Variants in SSRP1 observed in about 807,000 individuals in gnomAD.
The protein encoded by SSRP1 is structure specific recognition protein 1.
SSRP1 carries 21 observed loss-of-function variants against 84.4 expected under a neutral mutation model. The ratio of observed to expected loss-of-function variants is 0.25; its 90% CI spans 0.18 to 0.36. The LOEUF is 0.36. Ranked by LOEUF, SSRP1 falls within the 10% of genes least tolerant of loss-of-function variation. SSRP1 has a pLI of 1.00. For missense variants in SSRP1, 519 were observed against 900.8 expected (o/e 0.58, Z 5.43); for synonymous variants, 319 against 318.3 (o/e 1.00, Z -0.02).
chr11:57,330,891 C>T lies in SSRP1; in HGVS notation c.1260G>A (p.Ala420=), dbSNP rs1010600728. 2.5e-6 allele frequency: 4 copies of T among 1,614,094 alleles called. No individual in the cohort carries two copies. The highest frequency in any genetic ancestry group is 1.3e-5 in the African/African-American group (1 of 74,928). The part of the protein sequence containing the change: ...EYGKLFDFVN[A]KKLNIKNRGL... ...CTCGGTTTTTGATGTTGAGCTTTTT[C>T]GCGTTGACAAAATCAAACAGTTTCC... Residue 420 remains alanine (A), a synonymous_variant, in exon 10 of 17, where the codon GCG becomes GCA. Transcript: ENST00000278412. The surrounding 1 kb of genome is among the most constrained non-coding windows in gnomAD (Gnocchi z 4.0).
At chr11:57,334,787 G>A in intron 2 of SSRP1, 139 bp from the exon 3 acceptor site, 1 of 1,053,848 alleles carries the variant, frequency 9.5e-7, no homozygotes, top group Non-Finnish European at 1.4e-6. Flanking sequence ...GGGTGCCAAG[G>A]AGTCTAGATT....
Position 57,327,835 on chromosome 11 carries a change from T to G in SSRP1, c.1659A>C (p.Ala553=). Residue 553 remains alanine, a synonymous_variant, in exon 14 of 17, where the codon GCA becomes GCC. Coordinates refer to ENST00000278412, the MANE Select transcript of SSRP1 (RefSeq NM_003146.3). The stretch of plus-strand genomic sequence containing the variant: ...GGCTGGCATTGAGCCACAGCATGTA[T>G]GCAGACATGGGCCTCTTGGGGGCAT... ...DPNAPKRPMS[A]YMLWLNASRE... is the part of the protein sequence containing the mutation. The G allele has an allele frequency of 1.2e-6, 2 of 1,614,192 alleles. No individual in the cohort carries two copies. Among genetic ancestry groups the G allele is most frequent in the East Asian group, 2.2e-5 (1 of 44,888 alleles).
At chr11:57,333,187 C>T in intron 4 of SSRP1, 38 bp from the exon 5 acceptor site, 5 of 1,572,040 alleles carry the variant, frequency 3.2e-6, no homozygotes, top group South Asian at 1.2e-5. Context: ...AAGCTCCTCC[C>T]CTTAAGTCTG....
At chr11:57,326,650 A>C in intron 16 of SSRP1, 53 bp downstream of exon 16, 1 of 1,593,776 alleles carries the variant, frequency 6.3e-7, no homozygotes, top group Admixed American at 1.7e-5. Flanking sequence ...CCCCACACAG[A>C]CACACATGCC....
In SSRP1 at chr11:57,330,764, A is replaced by G; in HGVS notation, c.1296+91T>C. On this transcript the variant is annotated intron_variant, in intron 10 of 16. Coordinates refer to ENST00000278412, the MANE Select transcript of SSRP1 (RefSeq NM_003146.3). This position sits in a 1 kb window ranked among gnomAD's most constrained non-coding sequence, Gnocchi z 4.0. ...TTTCTATAAGGGTAAGAAGAGAAGA[A>G]AGAGTGAAAAAGAAGCCGGAAAAAA... 1 of 1,600,776 alleles carries G rather than the reference A, an allele frequency of 6.2e-7. No homozygotes were observed. Among genetic ancestry groups the G allele is most frequent in the Non-Finnish European group, 8.5e-7 (1 of 1,172,584 alleles).
chr11:57,333,394 C>T (rs2134392107), intron 4 of SSRP1, 41 bp downstream of exon 4: 1 of 1,537,824 alleles, frequency 6.5e-7, no homozygotes, highest in East Asian at 2.2e-5. Flanking sequence ...AACCCTTCAC[C>T]CTATCTTCCT....
intron 2 of SSRP1, 141 bp from the exon 3 acceptor site, chr11:57,334,789 G>T: frequency 9.6e-7 from 1 of 1,036,538 alleles, no homozygotes; most frequent in Non-Finnish European, 1.4e-6. Context: ...GTGCCAAGGA[G>T]TCTAGATTCT....
At position 57,328,315 on chromosome 11, in the gene SSRP1, G is replaced by T; in HGVS notation, c.1593C>A (p.Ser531Arg). ...KKAKMAKDRK[S>R]RKKPVEVKKG... ...TCTGCACCTCCACAGGCTTCTTGCG[G>T]CTCTTGCGGTCCTTGGCCATCTTGG... Residue 531 changes from serine (S) to arginine (R), a missense_variant, in exon 13 of 17, where the codon AGC becomes AGA. Transcript: ENST00000278412. 6.2e-7 allele frequency: 1 copy of T among 1,614,192 alleles called. No homozygotes were observed.
rs1018562262 is a variant in SSRP1 at position 57,327,611 on chromosome 11, T to C, written c.1783-97A>G. The C allele has an allele frequency of 5.2e-5, 83 of 1,599,956 alleles. 1 individual carries two copies. The Admixed American group carries it at 1.3e-3, about 25-fold the overall frequency. On this transcript the variant is annotated intron_variant, in intron 14 of 16. Transcript: ENST00000278412. ...AAATCGATACAGAAAGTCCCACCAA[T>C]GGCTCATACTGCTCCCCTATCAGTC...
Position 57,330,512 on chromosome 11 carries a change from G to A in SSRP1, c.1297-83C>T, listed in dbSNP as rs1301227662. Reference sequence around the variant, plus strand: ...CACTCAAAAGCACACCCCCATGCCTGTCAAGTCAGAGCAGCAGCTCCCAGA... The same window carrying A: ...CACTCAAAAGCACACCCCCATGCCTATCAAGTCAGAGCAGCAGCTCCCAGA... On this transcript the variant is annotated intron_variant, in intron 10 of 16. Coordinates refer to ENST00000278412, the MANE Select transcript of SSRP1 (RefSeq NM_003146.3). The surrounding 1 kb of genome is among the most constrained non-coding windows in gnomAD (Gnocchi z 4.0). 1 of 1,571,674 alleles carries A rather than the reference G, an allele frequency of 6.4e-7. No individual in the cohort carries two copies. Among genetic ancestry groups the A allele is most frequent in the Non-Finnish European group, 8.6e-7 (1 of 1,161,178 alleles).
At chr11:57,327,998 CG>C in intron 13 of SSRP1, 116 bp from the exon 14 acceptor site, 1 of 1,300,134 alleles carries the variant, frequency 7.7e-7, no homozygotes, top group Non-Finnish European at 1.1e-6. Flanking sequence ...TAGCATCAGG[CG>C]AGACGAGAGC....
In SSRP1 at chr11:57,332,613, G is replaced by C. The variant is rs762077456; in HGVS notation, c.768+12C>G. ...AAACCAGGATTATCCGGCCATAGGG[G>C]TTTCTGCTTACCACAAAGAACATCT... On this transcript the variant is annotated intron_variant, in intron 6 of 16. Coordinates refer to ENST00000278412, the MANE Select transcript of SSRP1 (RefSeq NM_003146.3). This position sits in a 1 kb window ranked among gnomAD's most constrained non-coding sequence, Gnocchi z 5.5. The C allele has an allele frequency of 1.2e-6, 2 of 1,609,582 alleles. No homozygotes were observed. The highest frequency in any genetic ancestry group is 2.2e-5 in the South Asian group (2 of 90,958).
intron 13 of SSRP1, 194 bp downstream of exon 13, chr11:57,328,091 CAGACCTTCCAGA>C (rs1194481353): frequency 1.0e-6 from 1 of 975,444 alleles, no homozygotes; most frequent in Non-Finnish European, 1.5e-6. Flanking sequence ...TCTCCTAATT[CAGACCTTCCAGA>C]AGCTTATTAA....
At chr11:57,328,767 C>A (rs151050735) in intron 12 of SSRP1, 24 of 217,554 alleles carry the variant, frequency 1.1e-4, no homozygotes, top group Non-Finnish European at 1.8e-4. Flanking sequence ...CTCATTCATG[C>A]CTGGAACATG....
chr11:57,331,884 G>A lies in SSRP1; in HGVS notation c.1007C>T (p.Ser336Leu), dbSNP rs2134390235. The change falls in exon 9 of 17, where the codon TCA becomes TTA. Residue 336 changes from serine (S) to leucine (L), a missense_variant. Physicochemically the swap from Ser to Leu is moderately radical, Grantham distance 145. Around this residue, in one of 7 missense-constraint regions of SSRP1, gnomAD observed 159 missense variants for 359.0 expected, o/e 0.44. Coordinates refer to ENST00000278412, the MANE Select transcript of SSRP1 (RefSeq NM_003146.3). ...ITVPGNFQGH[S>L]GAQCITCSYK... is the part of the protein sequence containing the mutation. The stretch of plus-strand genomic sequence containing the variant: ...GGAACAGGTAATGCACTGGGCCCCT[G>A]AGTGCCTGACAGAGGGTGCAGGGAG... 1.2e-6 allele frequency: 2 copies of A among 1,611,350 alleles called. No individual in the cohort carries two copies. The highest frequency in any genetic ancestry group is 4.5e-5 in the East Asian group (2 of 44,774).
chr11:57,328,981 A>T (rs1210590127), intron 12 of SSRP1: 2 of 152,510 alleles, frequency 1.3e-5, no homozygotes, highest in Non-Finnish European at 2.9e-5. Context: ...CAGTCTTCTG[A>T]TGAAAAGATA....
At position 57,332,040 on chromosome 11, in the gene SSRP1, G is replaced by A. The variant is rs1401848514; in HGVS notation, c.1001+112C>T. 5 of 1,561,230 alleles carry A rather than the reference G, an allele frequency of 3.2e-6. No homozygotes were observed. Among genetic ancestry groups the A allele is most frequent in the Non-Finnish European group, 4.3e-6 (5 of 1,149,532 alleles). On this transcript the variant is annotated intron_variant, in intron 8 of 16. Transcript: ENST00000278412. This position sits in a 1 kb window ranked among gnomAD's most constrained non-coding sequence, Gnocchi z 5.5. ...GGCGCTGGCACCTATTGTGACACAAGGTCCCATCCAGGCCTCTAGGAGGCC... is the reference window on the plus strand; with the variant it reads ...GGCGCTGGCACCTATTGTGACACAAAGTCCCATCCAGGCCTCTAGGAGGCC...
Position 57,330,629 on chromosome 11 carries a change from C to T in SSRP1, c.1297-200G>A. On this transcript the variant is annotated intron_variant, in intron 10 of 16. Transcript: ENST00000278412. This position sits in a 1 kb window ranked among gnomAD's most constrained non-coding sequence, Gnocchi z 4.0. ...ACTGGGTTAGTCCAAGCCCCAAGCC[C>T]CTCCCTCTCCCAGCCCCACTGGGGG... The T allele has an allele frequency of 6.9e-7, 1 of 1,440,436 alleles. No individual in the cohort carries two copies. The highest frequency in any genetic ancestry group is 9.1e-7 in the Non-Finnish European group (1 of 1,101,968). The allele number at this position is 1,440,436 out of a possible 1,614,324, so 89.2% of individuals were successfully genotyped here. A position where few individuals can be genotyped will look rare whatever the true frequency, so the allele number is the denominator to read the frequency against.
chr11:57,333,743 G>A lies in SSRP1; in HGVS notation c.241-203C>T, dbSNP rs565377069. Among the ~76,000 whole-genome samples the A allele has an allele frequency of 2.4e-4, 36 of 152,302 alleles. 1 individual carries two copies. The highest frequency in any genetic ancestry group is 2.0e-3 in the Admixed American group (30 of 15,304). On this transcript the variant is annotated intron_variant, in intron 3 of 16. Coordinates refer to ENST00000278412, the MANE Select transcript of SSRP1 (RefSeq NM_003146.3). ...ACTGGATCTGACATTCCTGGTTACG[G>A]GCCATCTGACTTTATAAACTTTGTA...
Sources: allele counts gnomAD v4.1 joint callset (sites outside exome capture counted in the v4.1 genomes callset), GRCh38; gene constraint gnomAD v4.1.1; regional missense constraint gnomAD v4.1.1; non-coding constraint Gnocchi (gnomAD v3.1); transcripts MANE v1.5; gene names NCBI Gene and HGNC (gene_info 2026-07-23, HGNC 2026-07-21).